XKR3: variants seen among roughly 807,000 people sequenced by gnomAD.
XKR3 encodes the protein XK-related protein 3.
A neutral mutation model predicts 40.3 loss-of-function variants in XKR3; 27 were observed. The observed-to-expected ratio is 0.67, with a 90% confidence interval of 0.49 to 0.92. The LOEUF (loss-of-function observed/expected upper bound fraction) is 0.92, where lower values mean the gene tolerates loss of function less well. Among genes scored for constraint, XKR3 ranks in the 40% least tolerant of loss-of-function variants. XKR3 has a pLI of 0.00. For synonymous variants in XKR3, 193 were observed against 195.4 expected (o/e 0.99, Z 0.10); for missense variants, 472 against 537.6 (o/e 0.88, Z 1.21).
chr22:16,789,499 A>G (rs973662494), intron 3 of XKR3, among the ~76,000 whole-genome samples: 1 of 152,212 alleles, frequency 6.6e-6, no homozygotes, highest in African/African-American at 2.4e-5. Flanking sequence ...TCTGAAAATT[A>G]TGAAGTATTA....
chr22:16,795,793 C>G (rs1456793919), intron 3 of XKR3, among the ~76,000 whole-genome samples: 1 of 152,036 alleles, frequency 6.6e-6, no homozygotes, highest in East Asian at 1.9e-4. Flanking sequence ...ATGGTAAAAC[C>G]CTGTCTCTAC....
At chr22:16,814,180 T>G (rs2060224019) in intron 1 of XKR3, among the ~76,000 whole-genome samples, 1 of 152,190 alleles carries the variant, frequency 6.6e-6, no homozygotes, top group African/African-American at 2.4e-5. Context: ...CTCCTGAATT[T>G]AGGTTTTTGA....
chr22:16,796,746 C>G (rs1197241881), intron 3 of XKR3, among the ~76,000 whole-genome samples: 1 of 152,094 alleles, frequency 6.6e-6, no homozygotes, highest in Non-Finnish European at 1.5e-5. Flanking sequence ...TGGGCAGAAG[C>G]GCAAATTATT....
At chr22:16,819,077 T>TAA (rs200587108) in intron 1 of XKR3, among the ~76,000 whole-genome samples, 2 of 150,232 alleles carry the variant, frequency 1.3e-5, no homozygotes, top group Non-Finnish European at 3.0e-5. Context: ...TGATATACAT[T>TAA]AAAAAAAAAC....
rs748125667 is a variant in XKR3, at chr22:16,808,118, G to C, written c.-10-35C>G. 1.3e-5 allele frequency: 19 copies of C among 1,438,790 alleles called. No homozygotes were observed. The Admixed American group carries it at 2.4e-4, about 18-fold the overall frequency. The allele number at this position is 1,438,790 out of a possible 1,614,324, so 89.1% of individuals were successfully genotyped here. ...CAAAGTCGTCTTGTCAGTGAATCCA[G>C]TAGAGTTCAGTATTAAATTTAAACA... is the stretch of plus-strand genomic sequence containing the variant. On this transcript the variant is annotated intron_variant, in intron 1 of 3. Transcript: ENST00000684488.
intron 2 of XKR3, among the ~76,000 whole-genome samples, chr22:16,801,347 C>A (rs1393146352): frequency 2.0e-5 from 3 of 152,088 alleles, no homozygotes; most frequent in Admixed American, 1.3e-4. Context: ...AGTTGGAGAC[C>A]ATTCTGGGCT....
chr22:16,803,313 C>G (rs2060176939), intron 2 of XKR3, among the ~76,000 whole-genome samples: 1 of 152,072 alleles, frequency 6.6e-6, no homozygotes, highest in African/African-American at 2.4e-5. Flanking sequence ...TCCTCAACAC[C>G]ACACTAGAAA....
At chr22:16,795,845 T>C (rs2146150696) in intron 3 of XKR3, among the ~76,000 whole-genome samples, 1 of 152,150 alleles carries the variant, frequency 6.6e-6, no homozygotes, top group South Asian at 2.1e-4. Context: ...TACATGCCTG[T>C]AATCCCAGCT....
At chr22:16,802,807 A>C (rs1306582568) in intron 2 of XKR3, among the ~76,000 whole-genome samples, 1 of 152,188 alleles carries the variant, frequency 6.6e-6, no homozygotes, top group Non-Finnish European at 1.5e-5. Flanking sequence ...GTCTTCCTAC[A>C]AACTCATTAA....
intron 1 of XKR3, among the ~76,000 whole-genome samples, chr22:16,811,614 T>C (rs1330410666): frequency 1.3e-5 from 2 of 152,216 alleles, no homozygotes; most frequent in Non-Finnish European, 2.9e-5. Context: ...TGAACTAAAA[T>C]GTAAGTTATA....
chr22:16,817,756 T>TA (rs1258151478), intron 1 of XKR3, among the ~76,000 whole-genome samples: 2 of 152,190 alleles, frequency 1.3e-5, no homozygotes, highest in South Asian at 2.1e-4. Context: ...TTTATTTTTT[T>TA]AAAAAGAATA....
chr22:16,813,069 G>A (rs1037067019), intron 1 of XKR3, among the ~76,000 whole-genome samples: 9 of 152,184 alleles, frequency 5.9e-5, no homozygotes, highest in Non-Finnish European at 1.0e-4. Flanking sequence ...TGGATCACGA[G>A]GTCAGGAGAT....
At chr22:16,805,052 A>G (rs1303248030) in intron 2 of XKR3, among the ~76,000 whole-genome samples, 2 of 152,332 alleles carry the variant, frequency 1.3e-5, no homozygotes, top group East Asian at 3.9e-4. Flanking sequence ...CATTTTCAAT[A>G]TAGTACTAGA....
chr22:16,794,016 TGAATAAAACATCCAA>T (rs1314693513), intron 3 of XKR3, among the ~76,000 whole-genome samples: 5 of 152,096 alleles, frequency 3.3e-5, no homozygotes, highest in Non-Finnish European at 5.9e-5. Context: ...TAATTCAAAA[TGAATAAAACATCCAA>T]GAAATATGGG....
intron 1 of XKR3, among the ~76,000 whole-genome samples, chr22:16,813,405 G>C (rs757244361): frequency 3.3e-5 from 5 of 152,104 alleles, no homozygotes; most frequent in Non-Finnish European, 7.4e-5. Flanking sequence ...AAGGCTGGGG[G>C]TTCCTAAACT....
rs1180234314 is a variant in XKR3 at position 16,807,841 on chromosome 22, GC to G, written c.232del (p.Ala78GlnfsTer8). On this transcript the variant is annotated frameshift_variant, in exon 2 of 4. Transcript: ENST00000684488. LOFTEE classifies it high-confidence loss of function. ...CATCAGGATAATTTGATCCAAAATT[GC>G]CCCCACAATAATAAAGCTGATGGTA... ...SFTISFIIVG[A>X]ILDQIILMFF... The G allele has an allele frequency of 6.2e-7, 1 of 1,613,766 alleles. No homozygotes were observed. Among genetic ancestry groups the G allele is most frequent in the African/African-American group, 1.3e-5 (1 of 74,882 alleles).
At chr22:16,797,509 G>A (rs888172983) in intron 3 of XKR3, among the ~76,000 whole-genome samples, 69 of 152,252 alleles carry the variant, frequency 4.5e-4, no homozygotes, top group Admixed American at 3.1e-3. Context: ...ATAGGTAAAA[G>A]TGGCCAGGCG....
intron 1 of XKR3, among the ~76,000 whole-genome samples, chr22:16,810,471 C>CT (rs1192744786): frequency 2.6e-5 from 4 of 152,186 alleles, no homozygotes; most frequent in African/African-American, 7.2e-5. Context: ...ATTCCTCCTG[C>CT]TATCACCCAG....
intron 3 of XKR3, among the ~76,000 whole-genome samples, chr22:16,788,017 A>T (rs2060098049): frequency 6.6e-6 from 1 of 152,184 alleles, no homozygotes; most frequent in Admixed American, 6.5e-5. Context: ...TATCCATCCA[A>T]GAGTTATAGA....
Sources: gnomAD v4.1 joint callset for allele counts (sites outside exome capture counted in the v4.1 genomes callset) on GRCh38, gnomAD v4.1.1 for gene constraint, MANE v1.5 for transcripts, NCBI Gene and HGNC (gene_info 2026-07-23, HGNC 2026-07-21) for gene names.